Variants in UBXN7 observed in about 807,000 individuals in gnomAD.
UBXN7 encodes the protein UBX domain protein 7, also known as UBX domain-containing protein 7.
UBXN7 carries 9 observed loss-of-function variants against 58.0 expected under a neutral mutation model. The observed-to-expected ratio is 0.16, with a 90% CI of 0.09 to 0.27. The LOEUF is 0.27. UBXN7 is among the 10% of genes least tolerant of loss of function. The pLI, the probability that UBXN7 is intolerant of heterozygous loss-of-function variation, is 1.00. For synonymous variants in UBXN7, 208 were observed against 205.0 expected, an observed-to-expected ratio of 1.01 and a Z score of -0.12; for missense variants, 328 against 599.6, an observed-to-expected ratio of 0.55 and a Z score of 4.73.
chr3:196,396,733 A>G (rs965475378), intron 3 of UBXN7, among the ~76,000 whole-genome samples: 20 of 152,222 alleles, frequency 1.3e-4, no homozygotes, highest in African/African-American at 4.8e-4. Flanking sequence ...ACTGCACTCC[A>G]GCCTGGGCCA....
Position 196,348,772 on chromosome 3 carries a change from T to G in UBXN7, c.*7913A>C, listed in dbSNP as rs1324478652. On this transcript the variant is annotated 3_prime_UTR_variant, in exon 11 of 11. Transcript: ENST00000296328. ...GAAACATGTTTAAAAACACAATCAATGAAGACATGCCAGAACTGGACATCC... is the reference window on the plus strand; with the variant it reads ...GAAACATGTTTAAAAACACAATCAAGGAAGACATGCCAGAACTGGACATCC... 6.6e-6 allele frequency: 1 copy of G among 152,050 alleles called. No individual in the cohort carries two copies. The highest frequency in any genetic ancestry group is 6.6e-5 in the Admixed American group (1 of 15,250). 9.4% of individuals were successfully genotyped at this position (152,050 alleles called of 1,614,324 possible).
chr3:196,395,082 A>G (rs185226266), intron 3 of UBXN7, among the ~76,000 whole-genome samples: 15 of 152,336 alleles, frequency 9.8e-5, no homozygotes, highest in African/African-American at 3.6e-4. Flanking sequence ...GATTCCCTCA[A>G]TATGGGTAAG....
rs1000087217 is a variant in UBXN7, at chr3:196,394,631, A to C, written c.290-1012T>G. ...AAAAAAAAAAAAGTTTACTATCTTA[A>C]TATCCAAGTGGTGATATCAGGAAGA... On this transcript the variant is annotated intron_variant, in intron 3 of 10. Transcript: ENST00000296328. Among the ~76,000 whole-genome samples the C allele has an allele frequency of 2.6e-5, 4 of 152,254 alleles. 1 individual carries two copies. Among genetic ancestry groups the C allele is most frequent in the Admixed American group, 2.6e-4 (4 of 15,282 alleles).
chr3:196,405,160 T>TA (rs374357551), intron 2 of UBXN7, among the ~76,000 whole-genome samples: 94 of 151,804 alleles, frequency 6.2e-4, no homozygotes, highest in African/African-American at 2.2e-3. Flanking sequence ...ACTGTGTTTT[T>TA]AAAAAAAGAG....
Position 196,361,938 on chromosome 3 carries a change from T to TA in UBXN7, c.1229-16dup, listed in dbSNP as rs368893517. 0.18 allele frequency: 229,674 copies of TA among 1,303,072 alleles called. 1 individual carries two copies. Among genetic ancestry groups the TA allele is most frequent in the Non-Finnish European group, 0.19 (179,064 of 958,228 alleles). The allele number at this position is 1,303,072 out of a possible 1,614,324, so 80.7% of individuals were successfully genotyped here. A position where few individuals can be genotyped will look rare whatever the true frequency, so the allele number is the denominator to read the frequency against. On this transcript the variant is annotated splice_polypyrimidine_tract_variant and intron_variant, in intron 9 of 10. Transcript: ENST00000296328. ...TGCTTTTGGTCCTAAAGGAAGGGTT[T>TA]AAAAAAAAAAAAAAAACGGGATACA... is the stretch of plus-strand genomic sequence containing the variant.
chr3:196,402,890 T>G, intron 3 of UBXN7, 62 bp downstream of exon 3: 1 of 1,539,430 alleles, frequency 6.5e-7, no homozygotes, highest in South Asian at 1.2e-5. Flanking sequence ...CATCTTTTGA[T>G]GGTTTCATTA....
At chr3:196,369,532 A>G (rs1728759900) in intron 6 of UBXN7, 21 bp from the exon 7 acceptor site, 1 of 1,582,482 alleles carries the variant, frequency 6.3e-7, no homozygotes. Flanking sequence ...ATTGATATAA[A>G]AAAAAAAGTC....
intron 6 of UBXN7, 98 bp downstream of exon 6, chr3:196,371,798 T>A (rs182990593): frequency 6.9e-6 from 10 of 1,456,700 alleles, no homozygotes; most frequent in East Asian, 2.4e-5. Context: ...TACCTTTTTT[T>A]AAATGTCTTA....
At chr3:196,423,021 C>A (rs2108625537) in intron 1 of UBXN7, among the ~76,000 whole-genome samples, 1 of 152,332 alleles carries the variant, frequency 6.6e-6, no homozygotes, top group South Asian at 2.1e-4. Context: ...TGTGATTACA[C>A]TTACATGACA....
At chr3:196,418,309 T>G (rs12054053) in intron 1 of UBXN7, among the ~76,000 whole-genome samples, 11 of 151,412 alleles carry the variant, frequency 7.3e-5, no homozygotes, top group South Asian at 6.2e-4. Context: ...AATGACGGAA[T>G]GACGGACAGA....
In UBXN7 at chr3:196,407,242, A is replaced by G. The variant is rs529907729; in HGVS notation, c.221+4T>C. The stretch of plus-strand genomic sequence containing the variant: ...GCTCCTGACAACACATAATAAATTC[A>G]TACTCTGTGTGTGGTCTGACAGTAG... On this transcript the variant is annotated splice_donor_region_variant and intron_variant, in intron 2 of 10. Coordinates refer to ENST00000296328, the MANE Select transcript of UBXN7 (RefSeq NM_015562.2). 55 of 1,613,476 alleles carry G rather than the reference A, an allele frequency of 3.4e-5. No individual in the cohort carries two copies. The Admixed American group carries it at 6.7e-4, about 20-fold the overall frequency.
intron 5 of UBXN7, among the ~76,000 whole-genome samples, chr3:196,385,776 G>A (rs916178938): frequency 4.8e-5 from 7 of 145,382 alleles, no homozygotes; most frequent in African/African-American, 7.8e-5. Context: ...CCGGCCAGCC[G>A]CCCCGTCTGG....
intron 7 of UBXN7, among the ~76,000 whole-genome samples, chr3:196,369,058 T>C (rs980216716): frequency 1.3e-5 from 2 of 152,080 alleles, no homozygotes; most frequent in African/African-American, 4.8e-5. Context: ...TCGCCTGACC[T>C]CATGATCCGC....
intron 1 of UBXN7, among the ~76,000 whole-genome samples, chr3:196,417,740 A>C (rs1366635584): frequency 4.0e-5 from 6 of 148,674 alleles, no homozygotes; most frequent in Admixed American, 2.0e-4. Flanking sequence ...AAAAAAAAAA[A>C]AAAAAAAAAA....
intron 7 of UBXN7, 37 bp from the exon 8 acceptor site, chr3:196,368,192 A>T (rs1333466659): frequency 6.3e-7 from 1 of 1,575,746 alleles, no homozygotes; most frequent in South Asian, 1.2e-5. Context: ...AATAAATATA[A>T]TATCTAGAAT....
chr3:196,417,095 C>T (rs1161783294), intron 1 of UBXN7, among the ~76,000 whole-genome samples: 11 of 152,142 alleles, frequency 7.2e-5, no homozygotes, highest in African/African-American at 1.2e-4. Context: ...GGGCGGATCA[C>T]AAGGTCAGGA....
intron 10 of UBXN7, among the ~76,000 whole-genome samples, chr3:196,359,861 G>A (rs552652195): frequency 1.3e-5 from 2 of 151,338 alleles, no homozygotes; most frequent in African/African-American, 2.4e-5. Context: ...AGCTGAGATC[G>A]CACCATTGTA....
intron 5 of UBXN7, among the ~76,000 whole-genome samples, chr3:196,390,109 T>C (rs1207691979): frequency 6.6e-6 from 1 of 151,890 alleles, no homozygotes; most frequent in Non-Finnish European, 1.5e-5. Context: ...GCCCTACTTA[T>C]TTGGGAGGTT....
chr3:196,398,659 A>T (rs1351077001), intron 3 of UBXN7, among the ~76,000 whole-genome samples: 1 of 152,130 alleles, frequency 6.6e-6, no homozygotes, highest in Non-Finnish European at 1.5e-5. Flanking sequence ...TGTTTTTGAG[A>T]TGAGGTCTGT....
Sources: allele counts gnomAD v4.1 joint callset (sites outside exome capture counted in the v4.1 genomes callset), GRCh38; gene constraint gnomAD v4.1.1; transcripts MANE v1.5; gene names NCBI Gene and HGNC (gene_info 2026-07-23, HGNC 2026-07-21).